The following CDH13 variants were observed in gnomAD, a reference collection of about 807,000 sequenced individuals.
CDH13 encodes cadherin 13, also known as cadherin-13.
In CDH13, 24 loss-of-function variants were observed where a neutral mutation model predicts 63.8. The observed-to-expected ratio is 0.38, with a 90% confidence interval of 0.27 to 0.53. The LOEUF (loss-of-function observed/expected upper bound fraction) is 0.53, where lower values mean the gene tolerates loss of function less well. CDH13 is among the 20% of genes least tolerant of loss of function. The pLI is 0.85. For missense variants in CDH13, 1,049 were observed against 903.1 expected (o/e 1.16, Z -2.07); for synonymous variants, 503 against 355.3 (o/e 1.42, Z -4.67).
chr16:82,872,946 A>G (rs1324978846), intron 2 of CDH13, among the ~76,000 whole-genome samples: 3 of 152,210 alleles, frequency 2.0e-5, no homozygotes, highest in African/African-American at 7.2e-5. Flanking sequence ...CAGAGAGAGA[A>G]AAAGGCAAAC....
At chr16:83,238,745 TTTG>T (rs1414375315) in intron 5 of CDH13, among the ~76,000 whole-genome samples, 40 of 10,722 alleles carry the variant, frequency 3.7e-3, no homozygotes, top group Admixed American at 0.012. Context: ...TGTTTTTTTG[TTTG>T]TTTGTTTGTT....
chr16:83,120,949 A>G (rs2035542214), intron 3 of CDH13, among the ~76,000 whole-genome samples: 2 of 151,898 alleles, frequency 1.3e-5, no homozygotes, highest in Admixed American at 1.3e-4. Context: ...TTTTTGGTAG[A>G]GACGGGGTTT....
chr16:83,763,294 G>C (rs183770496), intron 11 of CDH13, among the ~76,000 whole-genome samples: 1 of 152,296 alleles, frequency 6.6e-6, no homozygotes, highest in Admixed American at 6.5e-5. Context: ...TTTTTCATAG[G>C]CTAAGATATA....
intron 1 of CDH13, among the ~76,000 whole-genome samples, 200 bp downstream of exon 1, chr16:82,627,337 C>CGTGCGTGCGTGCGTGTGT (rs1555525839): frequency 7.6e-6 from 1 of 131,184 alleles, no homozygotes; most frequent in Admixed American, 7.5e-5. Flanking sequence ...CTCTGGCGTG[C>CGTGCGTGCGTGCGTGTGT]GTGTGTGTGT....
intron 8 of CDH13, among the ~76,000 whole-genome samples, chr16:83,651,571 T>A (rs1912376996): frequency 6.7e-6 from 1 of 150,086 alleles, no homozygotes; most frequent in African/African-American, 2.4e-5. Flanking sequence ...CTTTCCTCAT[T>A]GGTCTTTTAT....
intron 7 of CDH13, among the ~76,000 whole-genome samples, chr16:83,490,090 A>G (rs2073979063): frequency 6.6e-6 from 1 of 152,088 alleles, no homozygotes; most frequent in African/African-American, 2.4e-5. Flanking sequence ...TGAGGGACAA[A>G]GCAAACGTGT....
intron 5 of CDH13, among the ~76,000 whole-genome samples, chr16:83,322,621 G>C (rs79080361): frequency 0.018 from 2,736 of 152,206 alleles, 38 homozygotes; most frequent in African/African-American, 0.041. Context: ...GGCCATCATA[G>C]AGGTCTCTGC....
At chr16:83,312,577 G>T (rs2090023738) in intron 5 of CDH13, among the ~76,000 whole-genome samples, 2 of 152,138 alleles carry the variant, frequency 1.3e-5, no homozygotes, top group African/African-American at 4.8e-5. Context: ...TCTTGGGCAG[G>T]TTTGGAGGAA....
chr16:83,194,725 T>C (rs944517715), intron 4 of CDH13, among the ~76,000 whole-genome samples: 1 of 152,138 alleles, frequency 6.6e-6, no homozygotes, highest in Non-Finnish European at 1.5e-5. Flanking sequence ...GTAGGTAAAA[T>C]GGGAATTGAT....
At chr16:83,586,980 G>T (rs1308793294) in intron 7 of CDH13, among the ~76,000 whole-genome samples, 1 of 152,024 alleles carries the variant, frequency 6.6e-6, no homozygotes, top group Non-Finnish European at 1.5e-5. Context: ...TTGCTTTCCT[G>T]TCCATGGCTA....
chr16:82,845,009 G>T (rs1285023853), intron 1 of CDH13, among the ~76,000 whole-genome samples: 2 of 152,048 alleles, frequency 1.3e-5, no homozygotes, highest in Non-Finnish European at 2.9e-5. Context: ...GCAGCATTAT[G>T]AAATTGATAC....
intron 3 of CDH13, among the ~76,000 whole-genome samples, chr16:83,074,190 C>T (rs1335539961): frequency 1.1e-4 from 16 of 152,170 alleles, no homozygotes; most frequent in African/African-American, 2.9e-4. Context: ...ACCACCATTG[C>T]GCTCTTTTTC....
chr16:83,108,463 T>C (rs946068763), intron 3 of CDH13, among the ~76,000 whole-genome samples: 3 of 152,214 alleles, frequency 2.0e-5, no homozygotes, highest in African/African-American at 7.2e-5. Context: ...GAAAGGGTCC[T>C]GCTTGCAGGT....
chr16:83,519,447 T>A (rs1477810487), intron 7 of CDH13, among the ~76,000 whole-genome samples: 1 of 152,214 alleles, frequency 6.6e-6, no homozygotes, highest in Non-Finnish European at 1.5e-5. Context: ...AATACTTCAA[T>A]GAAAATGAAT....
chr16:82,705,427 G>C (rs557138155), intron 1 of CDH13, among the ~76,000 whole-genome samples: 1 of 152,106 alleles, frequency 6.6e-6, no homozygotes, highest in South Asian at 2.1e-4. Flanking sequence ...CCATATGCAC[G>C]ACAACCCGGG....
At chr16:83,044,674 A>C (rs1917617491) in intron 3 of CDH13, among the ~76,000 whole-genome samples, 1 of 152,232 alleles carries the variant, frequency 6.6e-6, no homozygotes, top group African/African-American at 2.4e-5. Context: ...GCTCACAACA[A>C]TGCCTGGATG....
intron 2 of CDH13, among the ~76,000 whole-genome samples, chr16:83,013,119 TA>T (rs758051037): frequency 1.3e-5 from 2 of 152,170 alleles, no homozygotes; most frequent in Non-Finnish European, 2.9e-5. Context: ...TCAACAAACT[TA>T]TTTTGAAAAG....
chr16:83,112,391 A>G (rs1385757797), intron 3 of CDH13, among the ~76,000 whole-genome samples: 1 of 152,244 alleles, frequency 6.6e-6, no homozygotes, highest in Non-Finnish European at 1.5e-5. Context: ...ACAGAAAGAC[A>G]GAGAGAAAAA....
chr16:83,204,922 T>G (rs1278919071), intron 4 of CDH13, among the ~76,000 whole-genome samples: 1 of 152,232 alleles, frequency 6.6e-6, no homozygotes. Flanking sequence ...CGCCCACAAT[T>G]AACTGAAGTG....
Sources: allele counts gnomAD v4.1 joint callset (sites outside exome capture counted in the v4.1 genomes callset), GRCh38; gene constraint gnomAD v4.1.1; transcripts MANE v1.5; gene names NCBI Gene and HGNC (gene_info 2026-07-23, HGNC 2026-07-21).